Variants in AKT3 observed in about 807,000 individuals in gnomAD.
AKT3 encodes the protein RAC-gamma serine/threonine-protein kinase.
A neutral mutation model predicts 65.3 loss-of-function variants in AKT3; 15 were observed. The ratio of observed to expected loss-of-function variants is 0.23; its 90% CI spans 0.15 to 0.35. The LOEUF is 0.35. Among genes scored for constraint, AKT3 ranks in the 10% least tolerant of loss-of-function variants. AKT3 has a pLI of 1.00. For synonymous variants in AKT3, 206 were observed against 183.8 expected, an observed-to-expected ratio of 1.12 and a Z score of -0.98; for missense variants, 243 against 576.5, an observed-to-expected ratio of 0.42 and a Z score of 5.92.
At chr1:243,826,907 G>A (rs903551477) in intron 2 of AKT3, among the ~76,000 whole-genome samples, 1 of 152,110 alleles carries the variant, frequency 6.6e-6, no homozygotes, top group East Asian at 1.9e-4. Flanking sequence ...CCAAGTAAGT[G>A]TGACAACAAA....
At chr1:243,646,724 T>G (rs1680847510) in intron 4 of AKT3, among the ~76,000 whole-genome samples, 1 of 152,134 alleles carries the variant, frequency 6.6e-6, no homozygotes, top group South Asian at 2.1e-4. Flanking sequence ...TTAGCTATTT[T>G]AAGTCCATCA....
chr1:243,814,204 T>G (rs919499670), intron 2 of AKT3, among the ~76,000 whole-genome samples: 3 of 152,132 alleles, frequency 2.0e-5, no homozygotes, highest in Admixed American at 1.3e-4. Context: ...ATCTTCAAAA[T>G]AAAAAGTTAA....
chr1:243,806,172 T>C (rs902370690), intron 2 of AKT3, among the ~76,000 whole-genome samples: 1 of 152,186 alleles, frequency 6.6e-6, no homozygotes, highest in East Asian at 1.9e-4. Context: ...GACTTCCTAG[T>C]TCTCCCTTCT....
At chr1:243,528,393 G>T (rs1253080904) in intron 12 of AKT3, among the ~76,000 whole-genome samples, 1 of 152,026 alleles carries the variant, frequency 6.6e-6, no homozygotes, top group Non-Finnish European at 1.5e-5. Flanking sequence ...ATCATGGGGG[G>T]GTTTGGTGTA....
chr1:243,550,536 T>C (rs768231453), intron 11 of AKT3, among the ~76,000 whole-genome samples: 1 of 151,860 alleles, frequency 6.6e-6, no homozygotes, highest in African/African-American at 2.4e-5. Flanking sequence ...TAGCCACTTA[T>C]ATAAAGAGGG....
At chr1:243,493,374 G>A (rs547357943) in intron 13 of AKT3, among the ~76,000 whole-genome samples, 12 of 152,174 alleles carry the variant, frequency 7.9e-5, no homozygotes, top group Non-Finnish European at 1.3e-4. Flanking sequence ...AGCTGGTGAG[G>A]AAACATGAGT....
chr1:243,728,945 G>C (rs572863858), intron 2 of AKT3, among the ~76,000 whole-genome samples: 1 of 152,178 alleles, frequency 6.6e-6, no homozygotes, highest in African/African-American at 2.4e-5. Context: ...ACTGATACAA[G>C]ATCAGAAAGG....
chr1:243,713,823 C>T (rs1686314155), intron 2 of AKT3, among the ~76,000 whole-genome samples: 1 of 150,490 alleles, frequency 6.6e-6, no homozygotes, highest in South Asian at 2.1e-4. Context: ...CAAGCTAAAG[C>T]CACAGCACAG....
At chr1:243,663,450 C>A (rs111654531) in intron 4 of AKT3, among the ~76,000 whole-genome samples, 1 of 68,688 alleles carries the variant, frequency 1.5e-5, no homozygotes, top group African/African-American at 5.6e-5. Flanking sequence ...GGAGGGTGTG[C>A]GGGGAGGGAG....
At chr1:243,669,117 T>C (rs1190439951) in intron 3 of AKT3, among the ~76,000 whole-genome samples, 1 of 152,226 alleles carries the variant, frequency 6.6e-6, no homozygotes, top group Non-Finnish European at 1.5e-5. Context: ...ATCAGTCTGA[T>C]TCTCTTTGAA....
rs564007835 is a variant in AKT3 at position 243,642,738 on chromosome 1, G to A, written c.429+3155C>T. Among the ~76,000 whole-genome samples the A allele has an allele frequency of 3.3e-5, 5 of 152,220 alleles. No individual in the cohort carries two copies. The East Asian group carries it at 7.7e-4, about 23-fold the overall frequency. On this transcript the variant is annotated intron_variant, in intron 5 of 13. Transcript: ENST00000673466. ...TACACTCTTCCCTTTACATGTTTACGTGGCTGTTTTAGGTAAAGAGATACA... is the reference window on the plus strand; with the variant it reads ...TACACTCTTCCCTTTACATGTTTACATGGCTGTTTTAGGTAAAGAGATACA...
rs544430977 is a variant in AKT3, at chr1:243,797,251, T to C, written c.46+45874A>G. On this transcript the variant is annotated intron_variant, in intron 2 of 13. Coordinates refer to ENST00000673466, the MANE Select transcript of AKT3 (RefSeq NM_005465.7). Reference sequence around the variant, plus strand: ...AGATCACTCTATGCAAAGCTCTCTCTCTCCTTTCCCCTGCCAGGTAATTAT... The same window carrying C: ...AGATCACTCTATGCAAAGCTCTCTCCCTCCTTTCCCCTGCCAGGTAATTAT... 3.8e-4 allele frequency among the ~76,000 whole-genome samples: 58 copies of C among 152,244 alleles called. 1 individual carries two copies. Among genetic ancestry groups the C allele is most frequent in the African/African-American group, 1.3e-3 (54 of 41,560 alleles).
At chr1:243,767,923 G>A (rs1191513793) in intron 2 of AKT3, among the ~76,000 whole-genome samples, 1 of 151,734 alleles carries the variant, frequency 6.6e-6, no homozygotes, top group African/African-American at 2.4e-5. Flanking sequence ...ATCTCAAACT[G>A]TCAAAAGTAA....
At chr1:243,610,130 A>T (rs1265585436) in intron 8 of AKT3, among the ~76,000 whole-genome samples, 1 of 152,208 alleles carries the variant, frequency 6.6e-6, no homozygotes, top group East Asian at 1.9e-4. Context: ...ATAAAAAGAT[A>T]TCCTCTCCTA....
chr1:243,804,983 T>C (rs1281624914), intron 2 of AKT3, among the ~76,000 whole-genome samples: 2 of 152,208 alleles, frequency 1.3e-5, no homozygotes, highest in Admixed American at 6.5e-5. Flanking sequence ...TTTCTAATGG[T>C]AGAACATACC....
chr1:243,583,195 T>TATATACAC (rs759291565), intron 8 of AKT3, among the ~76,000 whole-genome samples: 72 of 88,270 alleles, frequency 8.2e-4, no homozygotes, highest in Non-Finnish European at 8.4e-4. Context: ...TATATATATA[T>TATATACAC]ACACACACAC....
At chr1:243,785,268 C>T (rs1469273523) in intron 2 of AKT3, among the ~76,000 whole-genome samples, 1 of 149,802 alleles carries the variant, frequency 6.7e-6, no homozygotes, top group African/African-American at 2.5e-5. Flanking sequence ...TTAGTAGACA[C>T]GGGGTTTCAC....
chr1:243,813,176 A>T lies in AKT3; in HGVS notation c.46+29949T>A, dbSNP rs535154338. Among the ~76,000 whole-genome samples, 4 of 152,012 alleles carry T rather than the reference A, an allele frequency of 2.6e-5. No homozygotes were observed. In the East Asian group the frequency reaches 5.8e-4, roughly 22 times the overall value. On this transcript the variant is annotated intron_variant, in intron 2 of 13. Coordinates refer to ENST00000673466, the MANE Select transcript of AKT3 (RefSeq NM_005465.7). ...CATGTACCCTAGAACTTAAAGTATA[A>T]AAAAAAAGAGAAAAATATATCTTTA...
intron 2 of AKT3, among the ~76,000 whole-genome samples, chr1:243,757,986 C>T (rs1371353742): frequency 6.6e-6 from 1 of 152,196 alleles, no homozygotes; most frequent in Non-Finnish European, 1.5e-5. Context: ...TGTTTTCTAA[C>T]TCCTGACCTC....
Sources: allele counts gnomAD v4.1 joint callset (sites outside exome capture counted in the v4.1 genomes callset), GRCh38; gene constraint gnomAD v4.1.1; transcripts MANE v1.5; gene names NCBI Gene and HGNC (gene_info 2026-07-23, HGNC 2026-07-21).